Variants in TRIM27 observed in about 807,000 individuals in gnomAD.
The protein encoded by TRIM27 is tripartite motif containing 27, also known as zinc finger protein RFP.
TRIM27 carries 12 observed loss-of-function variants against 57.6 expected under a neutral mutation model. That is an observed-to-expected ratio of 0.21 (90% CI 0.13 to 0.34). The LOEUF (loss-of-function observed/expected upper bound fraction) is 0.34, where lower values mean the gene tolerates loss of function less well. Ranked by LOEUF, TRIM27 falls within the 10% of genes least tolerant of loss-of-function variation. The probability of loss-of-function intolerance (pLI) is 1.00; values close to 1 mark genes in which losing one functional copy is unlikely to be tolerated. For synonymous variants in TRIM27, 266 were observed against 259.0 expected, an observed-to-expected ratio of 1.03 and a Z score of -0.26; for missense variants, 403 against 656.8, an observed-to-expected ratio of 0.61 and a Z score of 4.22.
At position 28,903,386 on chromosome 6, in the gene TRIM27, C is replaced by A. The variant is rs1772528247; in HGVS notation, c.*684G>T. 1 of 233,162 alleles carries A rather than the reference C, an allele frequency of 4.3e-6. No individual in the cohort carries two copies. Among genetic ancestry groups the A allele is most frequent in the African/African-American group, 2.2e-5 (1 of 45,326 alleles). 14.4% of individuals were successfully genotyped at this position (233,162 alleles called of 1,614,324 possible). On this transcript the variant is annotated 3_prime_UTR_variant, in exon 8 of 8. Transcript: ENST00000377199. ...GATATGCACCCAGCACTAGAATACA[C>A]CTTTCATTAGAATGAAGAGAACAGA... is the stretch of plus-strand genomic sequence containing the variant.
At chr6:28,910,822 G>T (rs1773150504) in intron 4 of TRIM27, among the ~76,000 whole-genome samples, 1 of 152,068 alleles carries the variant, frequency 6.6e-6, no homozygotes, top group Non-Finnish European at 1.5e-5. Context: ...TCATCTGGCT[G>T]GGACTGGTAT....
intron 4 of TRIM27, among the ~76,000 whole-genome samples, chr6:28,910,122 T>TGAAAAAAAAAAA (rs1773075726): frequency 7.2e-5 from 1 of 13,878 alleles, no homozygotes; most frequent in Non-Finnish European, 1.4e-4. Context: ...AAAAGAAAAA[T>TGAAAAAAAAAAA]GAAAAAAAAA....
Position 28,920,100 on chromosome 6 carries a change from G to A in TRIM27, c.659C>T (p.Thr220Ile). 6.2e-7 allele frequency: 1 copy of A among 1,614,208 alleles called. No homozygotes were observed. The highest frequency in any genetic ancestry group is 8.5e-7 in the Non-Finnish European group (1 of 1,180,032). Residue 220 changes from threonine to isoleucine, a missense_variant, in exon 3 of 8, where the codon ACC (threonine) becomes ATC (isoleucine). Thr to Ile is a moderately conservative substitution (Grantham distance 89, BLOSUM62 -1). Transcript: ENST00000377199. Reference sequence around the variant, plus strand: ...GTGGGAGATGTTGCAAGAGAACTGGGTGATGGCACCATTGATGCTATTGTA... The same window carrying A: ...GTGGGAGATGTTGCAAGAGAACTGGATGATGGCACCATTGATGCTATTGTA... ...AIYNSINGAI[T>I]QFSCNISHLS...
At chr6:28,919,532 C>T in intron 3 of TRIM27, among the ~76,000 whole-genome samples, 1 of 152,090 alleles carries the variant, frequency 6.6e-6, no homozygotes. Context: ...GCAGCTTTAT[C>T]ACCTGCTCTA....
At chr6:28,914,215 A>C (rs2150477045) in intron 3 of TRIM27, among the ~76,000 whole-genome samples, 1 of 148,074 alleles carries the variant, frequency 6.8e-6, no homozygotes, top group East Asian at 2.0e-4. Context: ...AGCTCACTGC[A>C]ACTTCCACCT....
chr6:28,922,046 G>T lies in TRIM27; in HGVS notation c.421-59C>A, dbSNP rs535983564. 3.1e-6 allele frequency: 4 copies of T among 1,293,402 alleles called. No homozygotes were observed. In the African/African-American group the frequency reaches 4.4e-5, roughly 14 times the overall value. 80.1% of individuals were successfully genotyped at this position (1,293,402 alleles called of 1,614,324 possible). ...TTAGGTAGACCTTAGCATCAGCATG[G>T]TACTTCTTATCACACATGGAGTCCA... On this transcript the variant is annotated intron_variant, in intron 1 of 7. Transcript: ENST00000377199.
chr6:28,923,713 G>T lies in TRIM27; in HGVS notation c.-81C>A. ...AGCCCAACTCTCCGGCGCTCTCTCC[G>T]GTTCGCTGTTCCTGAGAGGCACCGG... is the stretch of plus-strand genomic sequence containing the variant. On this transcript the variant is annotated 5_prime_UTR_variant, in exon 1 of 8. Transcript: ENST00000377199. The T allele has an allele frequency of 1.4e-6, 2 of 1,403,568 alleles. No individual in the cohort carries two copies. The highest frequency in any genetic ancestry group is 9.4e-7 in the Non-Finnish European group (1 of 1,062,122). The allele number at this position is 1,403,568 out of a possible 1,614,324, so 86.9% of individuals were successfully genotyped here.
chr6:28,913,287 T>A (rs9257345), intron 3 of TRIM27, among the ~76,000 whole-genome samples: 7,212 of 146,652 alleles, frequency 0.049, 297 homozygotes, highest in Non-Finnish European at 0.087. Context: ...TATATATATA[T>A]AATATACGTA....
intron 7 of TRIM27, 111 bp downstream of exon 7, chr6:28,907,125 G>T: frequency 2.9e-6 from 3 of 1,031,530 alleles, no homozygotes; most frequent in Non-Finnish European, 4.3e-6. Flanking sequence ...CTTTATACAT[G>T]TAACCAAAAG....
At chr6:28,911,547 T>A (rs1299362128) in intron 4 of TRIM27, 149 bp downstream of exon 4, 23 of 767,410 alleles carry the variant, frequency 3.0e-5, no homozygotes, top group Non-Finnish European at 4.6e-5. Flanking sequence ...TTCATCTAAT[T>A]CTTTGTATAC....
In TRIM27 at chr6:28,914,570, A is replaced by G. The variant is rs534616369; in HGVS notation, c.748-2852T>C. ...AAGAGCTTGTTGGTATTTTTATTGA[A>G]ATTGCAAGGGTGGGGGGGGGGGGAT... On this transcript the variant is annotated intron_variant, in intron 3 of 7. Coordinates refer to ENST00000377199, the MANE Select transcript of TRIM27 (RefSeq NM_006510.5). Among the ~76,000 whole-genome samples, 6 of 75,006 alleles carry G rather than the reference A, an allele frequency of 8.0e-5. No homozygotes were observed. In the South Asian group the frequency reaches 3.3e-3, roughly 41 times the overall value. 49.2% of individuals were successfully genotyped at this position (75,006 alleles called of 152,430 possible). A position where few individuals can be genotyped will look rare whatever the true frequency, so the allele number is the denominator to read the frequency against.
chr6:28,914,591 G>GA (rs1421686146), intron 3 of TRIM27, among the ~76,000 whole-genome samples: 1 of 102,194 alleles, frequency 9.8e-6, no homozygotes, highest in East Asian at 3.4e-4. Context: ...TGGGGGGGGG[G>GA]GGATGAGGGA....
Position 28,923,650 on chromosome 6 carries a change from G to A in TRIM27, c.-18C>T, listed in dbSNP as rs1259399946. 3.9e-6 allele frequency: 6 copies of A among 1,539,930 alleles called. No individual in the cohort carries two copies. The highest frequency in any genetic ancestry group is 2.3e-4 in the Middle Eastern group (1 of 4,324). ...GAGGCCATGGCGCCGGCCTGCGGGGGCGCACGGGCATGGGCCCCGGCGCCG... is the reference window on the plus strand; with the variant it reads ...GAGGCCATGGCGCCGGCCTGCGGGGACGCACGGGCATGGGCCCCGGCGCCG... On this transcript the variant is annotated 5_prime_UTR_variant, in exon 1 of 8. Coordinates refer to ENST00000377199, the MANE Select transcript of TRIM27 (RefSeq NM_006510.5).
Position 28,904,463 on chromosome 6 carries a change from C to T in TRIM27, c.1149G>A (p.Trp383Ter). Reference sequence around the variant, plus strand: ...CTGAGTCTTCACAGACACCTATGGTCCACTTGGCTTTATCTCCCACCTCTA... The same window carrying T: ...CTGAGTCTTCACAGACACCTATGGTTCACTTGGCTTTATCTCCCACCTCTA... ...WEVEVGDKAK[W>*]TIGVCEDSVC... Residue 383 changes from tryptophan (W) to a stop codon, truncating the protein, a stop_gained, in exon 8 of 8, where the codon TGG becomes TGA. Coordinates refer to ENST00000377199, the MANE Select transcript of TRIM27 (RefSeq NM_006510.5). LOFTEE classifies it high-confidence loss of function. This position sits in a 1 kb window ranked among gnomAD's most constrained non-coding sequence, Gnocchi z 6.1. 1 of 1,613,050 alleles carries T rather than the reference C, an allele frequency of 6.2e-7. No individual in the cohort carries two copies. The highest frequency in any genetic ancestry group is 8.5e-7 in the Non-Finnish European group (1 of 1,180,028).
chr6:28,911,798 C>T, intron 3 of TRIM27, 80 bp from the exon 4 acceptor site: 2 of 1,385,060 alleles, frequency 1.4e-6, no homozygotes, highest in South Asian at 1.2e-5. Context: ...TGTTGAAAAA[C>T]CAACTACAGA....
At chr6:28,913,976 G>C (rs902848974) in intron 3 of TRIM27, among the ~76,000 whole-genome samples, 4 of 145,776 alleles carry the variant, frequency 2.7e-5, no homozygotes, top group African/African-American at 7.7e-5. Flanking sequence ...TATCTAGTAG[G>C]GCCAGTTCTC....
Position 28,903,728 on chromosome 6 carries a change from C to A in TRIM27, c.*342G>T. On this transcript the variant is annotated 3_prime_UTR_variant, in exon 8 of 8. Coordinates refer to ENST00000377199, the MANE Select transcript of TRIM27 (RefSeq NM_006510.5). ...TATGTGGGGCTGAACCAGAGGAAGC[C>A]AGGCTGAGCCAAGAAGCTGGAAGTA... 3.1e-6 allele frequency: 1 copy of A among 325,086 alleles called. No homozygotes were observed. The highest frequency in any genetic ancestry group is 5.7e-6 in the Non-Finnish European group (1 of 176,768). The allele number at this position is 325,086 out of a possible 1,614,324, so 20.1% of individuals were successfully genotyped here.
chr6:28,921,377 TAAAAA>T (rs559386159), intron 2 of TRIM27, among the ~76,000 whole-genome samples: 1 of 142,846 alleles, frequency 7.0e-6, no homozygotes, highest in East Asian at 2.0e-4. Flanking sequence ...GACCCTGTCT[TAAAAA>T]AAAAAAAAAA....
rs757367405 is a variant in TRIM27 at position 28,923,941 on chromosome 6, C to T, written c.-309G>A. ...GTCCCAGGGCCAGGCGGGCAAAGCG[C>T]GCAAGACAACGTGGCCGCGTCCGAG... is the stretch of plus-strand genomic sequence containing the variant. On this transcript the variant is annotated 5_prime_UTR_variant, in exon 1 of 8. Coordinates refer to ENST00000377199, the MANE Select transcript of TRIM27 (RefSeq NM_006510.5). 3.8e-4 allele frequency: 147 copies of T among 383,862 alleles called. 1 individual carries two copies. Among genetic ancestry groups the T allele is most frequent in the Non-Finnish European group, 2.9e-4 (63 of 215,986 alleles). 23.8% of individuals were successfully genotyped at this position (383,862 alleles called of 1,614,324 possible). A position where few individuals can be genotyped will look rare whatever the true frequency, so the allele number is the denominator to read the frequency against.
Sources: gnomAD v4.1 joint callset for allele counts (sites outside exome capture counted in the v4.1 genomes callset) on GRCh38, gnomAD v4.1.1 for gene constraint, Gnocchi (gnomAD v3.1) non-coding constraint, MANE v1.5 for transcripts, NCBI Gene and HGNC (gene_info 2026-07-23, HGNC 2026-07-21) for gene names.